ENPEP: variants seen among roughly 807,000 people sequenced by gnomAD.
ENPEP encodes glutamyl aminopeptidase, also known as AP-A.
Under a neutral mutation model 114.5 loss-of-function variants are expected in ENPEP, and 103 were observed. That is an observed-to-expected ratio of 0.90 (90% CI 0.77 to 1.06). The LOEUF (loss-of-function observed/expected upper bound fraction) is 1.06. ENPEP is among the 50% of genes least tolerant of loss of function. The probability of loss-of-function intolerance (pLI) is 0.00; values close to 1 mark genes in which losing one functional copy is unlikely to be tolerated. For missense variants in ENPEP, 1,196 were observed against 1,161.3 expected, an observed-to-expected ratio of 1.03 and a Z score of -0.43; for synonymous variants, 420 against 422.0, an observed-to-expected ratio of 1.00 and a Z score of 0.06.
intron 11 of ENPEP, among the ~76,000 whole-genome samples, chr4:110,539,912 T>C (rs1726789079): frequency 1.3e-5 from 2 of 152,126 alleles, no homozygotes; most frequent in Admixed American, 1.3e-4. Context: ...TAAAGAACTG[T>C]TACCTGTGCT....
chr4:110,478,302 G>T (rs1425031388), intron 1 of ENPEP, among the ~76,000 whole-genome samples: 1 of 152,080 alleles, frequency 6.6e-6, no homozygotes, highest in Non-Finnish European at 1.5e-5. Flanking sequence ...ATCTGTAGGG[G>T]TCATGCTTAT....
intron 17 of ENPEP, among the ~76,000 whole-genome samples, chr4:110,551,483 G>A (rs1286593615): frequency 3.3e-5 from 5 of 152,110 alleles, no homozygotes; most frequent in African/African-American, 1.2e-4. Context: ...ATAATGACTG[G>A]AGTAAAAGAA....
At chr4:110,499,939 C>A (rs533304155) in intron 3 of ENPEP, 1 of 152,226 alleles carries the variant, frequency 6.6e-6, no homozygotes, top group Admixed American at 6.5e-5. Context: ...ATGCTTATCA[C>A]ATTCCTTGAA....
intron 13 of ENPEP, among the ~76,000 whole-genome samples, chr4:110,545,537 CTA>C (rs1727023037): frequency 6.6e-6 from 1 of 152,024 alleles, no homozygotes; most frequent in African/African-American, 2.4e-5. Flanking sequence ...CTTGGAACTT[CTA>C]TGTCTCCCGA....
At chr4:110,555,254 A>C (rs1418705878) in intron 18 of ENPEP, among the ~76,000 whole-genome samples, 2 of 152,018 alleles carry the variant, frequency 1.3e-5, no homozygotes, top group Non-Finnish European at 2.9e-5. Context: ...AATACACACA[A>C]ACACCCAATA....
chr4:110,562,619 C>T lies in ENPEP; in HGVS notation c.*1061C>T, dbSNP rs1727715839. The stretch of plus-strand genomic sequence containing the variant: ...TATAGATCAATTTTATGTATAAACC[C>T]TTAGATCCTAATCCATACAGAATAG... On this transcript the variant is annotated 3_prime_UTR_variant, in exon 20 of 20. Coordinates refer to ENST00000265162, the MANE Select transcript of ENPEP (RefSeq NM_001977.4). The T allele has an allele frequency of 6.6e-6, 1 of 152,084 alleles. No individual in the cohort carries two copies. Among genetic ancestry groups the T allele is most frequent in the Admixed American group, 6.6e-5 (1 of 15,262 alleles). 9.4% of individuals were successfully genotyped at this position (152,084 alleles called of 1,614,324 possible).
intron 6 of ENPEP, among the ~76,000 whole-genome samples, chr4:110,510,929 G>A (rs757843253): frequency 6.6e-6 from 1 of 152,054 alleles, no homozygotes; most frequent in South Asian, 2.1e-4. Flanking sequence ...AAGCTTAAAA[G>A]CTCCCAAATG....
At chr4:110,502,303 AT>A (rs1466160546) in intron 3 of ENPEP, among the ~76,000 whole-genome samples, 1 of 152,080 alleles carries the variant, frequency 6.6e-6, no homozygotes, top group Non-Finnish European at 1.5e-5. Context: ...TTGCCTACTT[AT>A]GGTTTTGTTG....
At chr4:110,512,897 A>G (rs1002509836) in intron 6 of ENPEP, 3 of 152,456 alleles carry the variant, frequency 2.0e-5, no homozygotes, top group African/African-American at 7.2e-5. Context: ...TATTGCTGAC[A>G]AGACCTAGGA....
intron 1 of ENPEP, among the ~76,000 whole-genome samples, chr4:110,485,215 C>T (rs1724458825): frequency 6.6e-6 from 1 of 152,144 alleles, no homozygotes; most frequent in Non-Finnish European, 1.5e-5. Context: ...CTTCAATTGA[C>T]TAAACTGTTA....
intron 1 of ENPEP, among the ~76,000 whole-genome samples, chr4:110,479,490 G>T (rs1388524467): frequency 3.9e-5 from 6 of 152,056 alleles, no homozygotes; most frequent in Non-Finnish European, 7.4e-5. Context: ...GTATATATGT[G>T]TACATGCATA....
chr4:110,502,490 C>T (rs548681630), intron 3 of ENPEP, among the ~76,000 whole-genome samples: 15 of 152,252 alleles, frequency 9.9e-5, no homozygotes, highest in South Asian at 2.1e-4. Flanking sequence ...CTTCTGCATA[C>T]GGCTAGTCAG....
Position 110,476,638 on chromosome 4 carries a change from A to G in ENPEP, c.224A>G (p.Gln75Arg). Residue 75 changes from glutamine (Q) to arginine (R), a missense_variant, in exon 1 of 20, where the codon CAG (glutamine) becomes CGG (arginine). Gln to Arg is a conservative substitution (Grantham distance 43). Coordinates refer to ENST00000265162, the MANE Select transcript of ENPEP (RefSeq NM_001977.4). ...CCCTCAGGTCCTCCTGCCCAGGACC[A>G]GGACATCTGCCCGGCCAGTGAGGAT... The part of the protein sequence containing the change: ...ASPSGPPAQD[Q>R]DICPASEDES... The G allele has an allele frequency of 6.2e-7, 1 of 1,614,158 alleles. No homozygotes were observed. Among genetic ancestry groups the G allele is most frequent in the Non-Finnish European group, 8.5e-7 (1 of 1,180,044 alleles).
At chr4:110,500,027 A>G (rs1289584048) in intron 3 of ENPEP, 1 of 152,184 alleles carries the variant, frequency 6.6e-6, no homozygotes, top group Non-Finnish European at 1.5e-5. Context: ...TTTTGGTTGC[A>G]GGGACATAAA....
intron 3 of ENPEP, among the ~76,000 whole-genome samples, chr4:110,501,082 G>C (rs1725136201): frequency 6.6e-6 from 1 of 152,100 alleles, no homozygotes; most frequent in South Asian, 2.1e-4. Flanking sequence ...GAAAATGTTG[G>C]CATGTTGGTA....
rs528932973 is a variant in ENPEP, at chr4:110,561,565, CA to C, written c.*10del. ...TTTACTTGAGAGTGGTTAATGTATT[CA>C]AATGTTAGAGTTTAATTTTGTGAAT... On this transcript the variant is annotated 3_prime_UTR_variant, in exon 20 of 20. Coordinates refer to ENST00000265162, the MANE Select transcript of ENPEP (RefSeq NM_001977.4). The C allele has an allele frequency of 7.1e-4, 1,136 of 1,604,006 alleles. 18 individuals are homozygous for C. In the South Asian group the frequency reaches 0.012, roughly 17 times the overall value.
intron 1 of ENPEP, among the ~76,000 whole-genome samples, chr4:110,477,592 G>T (rs992161570): frequency 4.0e-5 from 6 of 151,686 alleles, no homozygotes; most frequent in Non-Finnish European, 8.8e-5. Flanking sequence ...TTGTCTTTGT[G>T]TCTTCATCTG....
Position 110,543,025 on chromosome 4 carries a change from C to T in ENPEP, c.1955C>T (p.Ser652Leu), listed in dbSNP as rs758020201. The change falls in exon 13 of 20, where the codon TCA becomes TTA. Residue 652 changes from serine (S) to leucine (L), a missense_variant. Transcript: ENST00000265162. The stretch of plus-strand genomic sequence containing the variant: ...TCTCCCTCTTCCCAGACATTTTCTT[C>T]AGCAGATCGTGCAAGTCTTATTGAT... ...ALSLNHKTFSSADRASLIDDA... is the reference protein window; with the variant it reads ...ALSLNHKTFSLADRASLIDDA... 2 of 1,613,116 alleles carry T rather than the reference C, an allele frequency of 1.2e-6. No homozygotes were observed. The highest frequency in any genetic ancestry group is 4.5e-5 in the East Asian group (2 of 44,854).
rs925164614 is a variant in ENPEP at position 110,515,510 on chromosome 4, A to G, written c.1509+68A>G. 17 of 1,233,362 alleles carry G rather than the reference A, an allele frequency of 1.4e-5. No individual in the cohort carries two copies. Among genetic ancestry groups the G allele is most frequent in the Non-Finnish European group, 2.0e-5 (17 of 857,460 alleles). 76.4% of individuals were successfully genotyped at this position (1,233,362 alleles called of 1,614,324 possible). ...TGATATGTGGCTGGTGAATGTTAAG[A>G]TATGTGATTAATCAAGGATAATTTC... is the stretch of plus-strand genomic sequence containing the variant. On this transcript the variant is annotated intron_variant, in intron 8 of 19. Transcript: ENST00000265162.
Sources: gnomAD v4.1 joint callset for allele counts (sites outside exome capture counted in the v4.1 genomes callset) on GRCh38, gnomAD v4.1.1 for gene constraint, MANE v1.5 for transcripts, NCBI Gene and HGNC (gene_info 2026-07-23, HGNC 2026-07-21) for gene names.